Variants in COX7B2 observed in about 807,000 individuals in gnomAD.
COX7B2 encodes cytochrome c oxidase subunit 7B2, also known as cytochrome c oxidase subunit 7B2, mitochondrial.
For synonymous variants in COX7B2, 37 were observed against 32.1 expected, an observed-to-expected ratio of 1.15 and a Z score of -0.51; for missense variants, 109 against 95.9, an observed-to-expected ratio of 1.14 and a Z score of -0.57.
intron 2 of COX7B2, among the ~76,000 whole-genome samples, chr4:46,739,847 T>A (rs1714598695): frequency 6.6e-6 from 1 of 151,986 alleles, no homozygotes; most frequent in Non-Finnish European, 1.5e-5. Flanking sequence ...GAGAAAAGAA[T>A]GGCACACTGG....
At chr4:46,757,274 T>C (rs923626554) in intron 2 of COX7B2, among the ~76,000 whole-genome samples, 1 of 121,448 alleles carries the variant, frequency 8.2e-6, no homozygotes, top group Middle Eastern at 5.8e-3. Flanking sequence ...CACATGCATA[T>C]ACAGAGTGGA....
intron 2 of COX7B2, among the ~76,000 whole-genome samples, chr4:46,790,389 C>G (rs1027978019): frequency 3.9e-5 from 6 of 152,190 alleles, no homozygotes; most frequent in African/African-American, 1.4e-4. Flanking sequence ...ATACATACAT[C>G]AGTGCTTCAT....
At chr4:46,844,420 C>A (rs1208509955) in intron 2 of COX7B2, among the ~76,000 whole-genome samples, 1 of 151,724 alleles carries the variant, frequency 6.6e-6, no homozygotes, top group Non-Finnish European at 1.5e-5. Context: ...CCAAGTCAAC[C>A]CGGCAAAAAA....
intron 1 of COX7B2, among the ~76,000 whole-genome samples, chr4:46,888,100 G>C (rs141290802): frequency 1.3e-5 from 2 of 152,094 alleles, no homozygotes; most frequent in East Asian, 3.9e-4. Context: ...GCAATAACTC[G>C]CATGGTGTGT....
At chr4:46,806,675 A>T (rs1719015920) in intron 2 of COX7B2, among the ~76,000 whole-genome samples, 1 of 151,988 alleles carries the variant, frequency 6.6e-6, no homozygotes, top group African/African-American at 2.4e-5. Context: ...CCTAACTTAC[A>T]TCTCCCAGTT....
intron 1 of COX7B2, among the ~76,000 whole-genome samples, chr4:46,880,075 T>C (rs547424129): frequency 7.2e-5 from 11 of 152,278 alleles, no homozygotes; most frequent in South Asian, 2.1e-4. Context: ...TTCAGTGTAA[T>C]GTTTGCTGTG....
At chr4:46,882,560 CT>C (rs988167530) in intron 1 of COX7B2, among the ~76,000 whole-genome samples, 3 of 151,994 alleles carry the variant, frequency 2.0e-5, no homozygotes, top group Admixed American at 6.6e-5. Flanking sequence ...CTTTCTTTGT[CT>C]TTTTTATTTT....
chr4:46,801,273 C>CAT (rs1421017201), intron 2 of COX7B2, among the ~76,000 whole-genome samples: 2 of 152,102 alleles, frequency 1.3e-5, no homozygotes. Flanking sequence ...GCCATAAAGA[C>CAT]ATATGCACAC....
intron 2 of COX7B2, among the ~76,000 whole-genome samples, chr4:46,832,128 C>G (rs1399780518): frequency 6.6e-6 from 1 of 152,152 alleles, no homozygotes; most frequent in African/African-American, 2.4e-5. Context: ...GGGTCCCCTT[C>G]CACACCGTGG....
intron 2 of COX7B2, among the ~76,000 whole-genome samples, chr4:46,812,601 G>A (rs894929840): frequency 3.3e-5 from 5 of 152,280 alleles, no homozygotes; most frequent in Non-Finnish European, 7.4e-5. Context: ...GGCCCCAGGG[G>A]ACAGGGAGCA....
intron 1 of COX7B2, among the ~76,000 whole-genome samples, chr4:46,908,763 CG>C (rs1457977995): frequency 9.6e-6 from 1 of 103,728 alleles, no homozygotes. Context: ...AAAATCTGGC[CG>C]GGCGCAGTGG....
intron 1 of COX7B2, among the ~76,000 whole-genome samples, chr4:46,856,958 G>C (rs1170561288): frequency 6.6e-6 from 1 of 152,188 alleles, no homozygotes; most frequent in Non-Finnish European, 1.5e-5. Flanking sequence ...GAGTTTGATA[G>C]ACCCGTGTAA....
In COX7B2 at chr4:46,902,282, A is replaced by G. The variant is rs185182212; in HGVS notation, c.-105+6878T>C. Among the ~76,000 whole-genome samples the G allele has an allele frequency of 5.3e-5, 8 of 152,320 alleles. No homozygotes were observed. The East Asian group carries it at 1.5e-3, about 29-fold the overall frequency. ...CTTCTTCTAAAGTCGACGATCATAT[A>G]ACTCCCTTAACTACTCACATAAAGG... is the stretch of plus-strand genomic sequence containing the variant. On this transcript the variant is annotated intron_variant, in intron 1 of 2. Transcript: ENST00000355591.
chr4:46,832,904 C>T (rs1715249055), intron 2 of COX7B2, among the ~76,000 whole-genome samples: 1 of 147,188 alleles, frequency 6.8e-6, no homozygotes, highest in Admixed American at 6.8e-5. Context: ...AACTGTGAGC[C>T]TTTTTTTTTT....
At chr4:46,855,065 C>G (rs555154927) in intron 1 of COX7B2, among the ~76,000 whole-genome samples, 1 of 152,066 alleles carries the variant, frequency 6.6e-6, no homozygotes, top group African/African-American at 2.4e-5. Context: ...CGGTGCCTCA[C>G]GTCTGTAATC....
chr4:46,736,895 C>G (rs939048960), intron 2 of COX7B2, among the ~76,000 whole-genome samples: 3 of 152,250 alleles, frequency 2.0e-5, no homozygotes, highest in Admixed American at 2.0e-4. Context: ...TCAATTAGTA[C>G]GAATACAACT....
intron 2 of COX7B2, among the ~76,000 whole-genome samples, chr4:46,835,336 G>A (rs536238187): frequency 6.6e-6 from 1 of 152,074 alleles, no homozygotes; most frequent in South Asian, 2.1e-4. Context: ...CAAATTGAAT[G>A]TTTCTCTAGT....
chr4:46,890,948 A>C (rs1427523694), intron 1 of COX7B2, among the ~76,000 whole-genome samples: 3 of 152,204 alleles, frequency 2.0e-5, no homozygotes, highest in Non-Finnish European at 4.4e-5. Flanking sequence ...GGCAAGACGA[A>C]ATGCAAGGGG....
intron 2 of COX7B2, among the ~76,000 whole-genome samples, chr4:46,763,511 A>G (rs1716347596): frequency 6.6e-6 from 1 of 151,850 alleles, no homozygotes. Flanking sequence ...ATGGCCTCCC[A>G]TTCTGCTTCT....
Sources: gnomAD v4.1 joint callset for allele counts (sites outside exome capture counted in the v4.1 genomes callset) on GRCh38, gnomAD v4.1.1 for gene constraint, MANE v1.5 for transcripts, NCBI Gene and HGNC (gene_info 2026-07-23, HGNC 2026-07-21) for gene names.